PCNX4: variants seen among roughly 807,000 people sequenced by gnomAD.
PCNX4 encodes pecanex-like protein 4.
A neutral mutation model predicts 107.2 loss-of-function variants in PCNX4; 103 were observed. The ratio of observed to expected loss-of-function variants is 0.96; its 90% CI spans 0.82 to 1.13. PCNX4 has a LOEUF of 1.13. PCNX4 is among the 50% of genes most tolerant of loss of function. PCNX4 has a pLI of 0.00. For missense variants in PCNX4, 1,528 were observed against 1,379.4 expected, an observed-to-expected ratio of 1.11 and a Z score of -1.71; for synonymous variants, 541 against 481.7, an observed-to-expected ratio of 1.12 and a Z score of -1.61.
chr14:60,118,621 C>T lies in PCNX4; in HGVS notation c.1871C>T (p.Thr624Ile), dbSNP rs577997062. ...AGTTACVCAD[T>I]VYYYQMVPRL... ...ACCACAGCCTGTGTGTGTGCAGATA[C>T]AGTGTACTACTACCAAATGGTGCCC... Residue 624 changes from threonine (T) to isoleucine (I), a missense_variant, in exon 7 of 11, where the codon ACA becomes ATA. Coordinates refer to ENST00000406854, the MANE Select transcript of PCNX4 (RefSeq NM_001330177.2). 26 of 1,613,744 alleles carry T rather than the reference C, an allele frequency of 1.6e-5. No individual in the cohort carries two copies. The Middle Eastern group carries it at 5.0e-4, about 31-fold the overall frequency.
In PCNX4 at chr14:60,135,468, A is replaced by G. The variant is rs1473950292; in HGVS notation, c.*1247A>G. ...ATCTCAGACTTATGATTTAATTTAC[A>G]TGATTGAGATTTGCTAGCTGTACAC... On this transcript the variant is annotated 3_prime_UTR_variant, in exon 11 of 11. Transcript: ENST00000406854. 1.3e-5 allele frequency: 2 copies of G among 152,134 alleles called. No homozygotes were observed. The highest frequency in any genetic ancestry group is 2.9e-5 in the Non-Finnish European group (2 of 68,040). The allele number at this position is 152,134 out of a possible 1,614,324, so 9.4% of individuals were successfully genotyped here.
Position 60,124,448 on chromosome 14 carries a change from C to G in PCNX4, c.2277C>G (p.Asp759Glu). 6.2e-7 allele frequency: 1 copy of G among 1,613,592 alleles called. No individual in the cohort carries two copies. Among genetic ancestry groups the G allele is most frequent in the Non-Finnish European group, 8.5e-7 (1 of 1,179,690 alleles). ...SHENLKEFKGDLIKVLVWILV... is the reference protein window; with the variant it reads ...SHENLKEFKGELIKVLVWILV... Reference sequence around the variant, plus strand: ...AAAACTTAAAAGAATTTAAAGGTGACCTCATTAAAGTACTTGTGTGGATAC... The same window carrying G: ...AAAACTTAAAAGAATTTAAAGGTGAGCTCATTAAAGTACTTGTGTGGATAC... The change falls in exon 9 of 11, where the codon GAC becomes GAG. Residue 759 changes from aspartate (D) to glutamate (E), a missense_variant. Coordinates refer to ENST00000406854, the MANE Select transcript of PCNX4 (RefSeq NM_001330177.2).
In PCNX4 at chr14:60,121,184, A is replaced by ATTT; in HGVS notation, c.1943-12_1943-11insTTT. 1.8e-6 allele frequency: 2 copies of ATTT among 1,142,322 alleles called. No individual in the cohort carries two copies. Among genetic ancestry groups the ATTT allele is most frequent in the East Asian group, 3.3e-5 (1 of 30,338 alleles). The allele number at this position is 1,142,322 out of a possible 1,614,324, so 70.8% of individuals were successfully genotyped here. ...TTCTTTTTTTTTTTTTTTTTTTTCT[A>ATTT]ATTTGTTGTAGGTCTCCTCCTACCT... On this transcript the variant is annotated splice_polypyrimidine_tract_variant and intron_variant, in intron 7 of 10. Coordinates refer to ENST00000406854, the MANE Select transcript of PCNX4 (RefSeq NM_001330177.2).
intron 1 of PCNX4, among the ~76,000 whole-genome samples, chr14:60,107,294 T>TC (rs1180186783): frequency 6.6e-6 from 1 of 152,108 alleles, no homozygotes; most frequent in Admixed American, 6.6e-5. Context: ...GGTGGGAGGA[T>TC]CACTTTGAGC....
At chr14:60,106,299 G>A (rs1482634496) in intron 1 of PCNX4, among the ~76,000 whole-genome samples, 1 of 151,960 alleles carries the variant, frequency 6.6e-6, no homozygotes, top group Non-Finnish European at 1.5e-5. Context: ...CTTCCTCCCT[G>A]TACTTTAAAT....
Position 60,116,049 on chromosome 14 carries a change from A to G in PCNX4, c.1567A>G (p.Arg523Gly), listed in dbSNP as rs559685831. ...GAACAGAAGCCTGGATACAGGACTC[A>G]GACTCTTACTGGTAAGTGTGTCTTT... ...WWNRSLDTGL[R>G]LLLVGIIRDR... is the part of the protein sequence containing the mutation. Residue 523 changes from arginine (R) to glycine (G), a missense_variant, in exon 6 of 11, where the codon AGA (arginine) becomes GGA (glycine). Coordinates refer to ENST00000406854, the MANE Select transcript of PCNX4 (RefSeq NM_001330177.2). The G allele has an allele frequency of 1.4e-4, 220 of 1,606,906 alleles. No homozygotes were observed. Among genetic ancestry groups the G allele is most frequent in the Non-Finnish European group, 1.7e-4 (203 of 1,177,176 alleles).
At chr14:60,098,074 A>G (rs11158275) in intron 1 of PCNX4, among the ~76,000 whole-genome samples, 4,698 of 152,298 alleles carry the variant, frequency 0.031, 232 homozygotes, top group South Asian at 0.24. Flanking sequence ...CATCAGCCTT[A>G]TGGTTAAGGT....
chr14:60,118,279 C>G, intron 6 of PCNX4, 50 bp from the exon 7 acceptor site: 1 of 1,477,508 alleles, frequency 6.8e-7, no homozygotes, highest in Non-Finnish European at 9.0e-7. Context: ...CTTGAAAATT[C>G]ATGAAAAATC....
rs760973243 is a variant in PCNX4, at chr14:60,115,686, T to C, written c.1358-33T>C. ...TATGGTAGAAGGAGCTATTTTGCCT[T>C]AATTAAATTTCTCTCTTTTTGTTTT... On this transcript the variant is annotated intron_variant, in intron 4 of 10. Coordinates refer to ENST00000406854, the MANE Select transcript of PCNX4 (RefSeq NM_001330177.2). 4 of 1,566,366 alleles carry C rather than the reference T, an allele frequency of 2.6e-6. No individual in the cohort carries two copies. In the East Asian group the frequency reaches 6.7e-5, roughly 26 times the overall value.
Position 60,147,326 on chromosome 14 carries a change from G to C in PCNX4, c.*13105G>C, listed in dbSNP as rs1375245891. ...TTCTAAGGATCTAATATACCGCATGGTGACTACAGTTAATAATACTGTATA... is the reference window on the plus strand; with the variant it reads ...TTCTAAGGATCTAATATACCGCATGCTGACTACAGTTAATAATACTGTATA... On this transcript the variant is annotated 3_prime_UTR_variant, in exon 11 of 11. Coordinates refer to ENST00000406854, the MANE Select transcript of PCNX4 (RefSeq NM_001330177.2). The C allele has an allele frequency of 6.6e-6, 1 of 152,116 alleles. No homozygotes were observed. The highest frequency in any genetic ancestry group is 6.5e-5 in the Admixed American group (1 of 15,282). 9.4% of individuals were successfully genotyped at this position (152,116 alleles called of 1,614,324 possible). A position where few individuals can be genotyped will look rare whatever the true frequency, so the allele number is the denominator to read the frequency against.
rs1406785921 is a variant in PCNX4, at chr14:60,124,777, C to T, written c.2606C>T (p.Thr869Ile). 1 of 1,613,340 alleles carries T rather than the reference C, an allele frequency of 6.2e-7. No homozygotes were observed. Among genetic ancestry groups the T allele is most frequent in the Admixed American group, 1.7e-5 (1 of 60,006 alleles). ...AGGGTTGGTGATCATTCTACAGGCA[C>T]TGTTCCTGAAAACGATCTTTACAAA... is the stretch of plus-strand genomic sequence containing the variant. The part of the protein sequence containing the change: ...SQRVGDHSTG[T>I]VPENDLYKAV... Residue 869 changes from threonine (T) to isoleucine (I), a missense_variant, in exon 9 of 11, where the codon ACT (threonine) becomes ATT (isoleucine). By Grantham distance (89) the Thr-to-Ile change is moderately conservative. Coordinates refer to ENST00000406854, the MANE Select transcript of PCNX4 (RefSeq NM_001330177.2).
chr14:60,124,071 G>A, intron 8 of PCNX4, 147 bp from the exon 9 acceptor site: 1 of 583,766 alleles, frequency 1.7e-6, no homozygotes, highest in Non-Finnish European at 2.8e-6. Flanking sequence ...TTAACTTTAA[G>A]TCAGGATGTT....
rs915900899 is a variant in PCNX4, at chr14:60,137,580, C to T, written c.*3359C>T. 6.6e-6 allele frequency: 1 copy of T among 152,148 alleles called. No homozygotes were observed. The highest frequency in any genetic ancestry group is 2.4e-5 in the African/African-American group (1 of 41,412). 9.4% of individuals were successfully genotyped at this position (152,148 alleles called of 1,614,324 possible). Reference sequence around the variant, plus strand: ...ATTTAAGGTATCTGAGGAAACAAGACAACATGATGAAAATCCGAAAGAAGC... The same window carrying T: ...ATTTAAGGTATCTGAGGAAACAAGATAACATGATGAAAATCCGAAAGAAGC... On this transcript the variant is annotated 3_prime_UTR_variant, in exon 11 of 11. Transcript: ENST00000406854.
In PCNX4 at chr14:60,114,858, C is replaced by T. The variant is rs558754013; in HGVS notation, c.848C>T (p.Ser283Leu). The T allele has an allele frequency of 1.2e-6, 2 of 1,612,132 alleles. No homozygotes were observed. Among genetic ancestry groups the T allele is most frequent in the South Asian group, 1.1e-5 (1 of 90,596 alleles). The change falls in exon 3 of 11, where the codon TCA becomes TTA. Residue 283 changes from serine to leucine, a missense_variant. By Grantham distance (145) the Ser-to-Leu change is moderately radical (BLOSUM62 -2). Coordinates refer to ENST00000406854, the MANE Select transcript of PCNX4 (RefSeq NM_001330177.2). ...EQVLEFGLGGSSMSTHLRLLV... is the reference protein window; with the variant it reads ...EQVLEFGLGGLSMSTHLRLLV... ...GTTTTAGAGTTCGGCCTTGGAGGCT[C>T]ATCTATGTCAACCCACTTACGGTAT...
intron 2 of PCNX4, chr14:60,110,495 T>G (rs1435538797): frequency 1.2e-5 from 2 of 167,156 alleles, no homozygotes; most frequent in Non-Finnish European, 2.9e-5. Context: ...TCTCAAGCTC[T>G]AAGATCTAAT....
chr14:60,108,282 G>A lies in PCNX4; in HGVS notation c.644G>A (p.Arg215Lys). ...QDTYEIIPLM[R>K]PLYIFFFVSV... ...ACTTATGAAATTATTCCTCTTATGAGACCTCTTTATATTTTTTTCTTTGTT... is the reference window on the plus strand; with the variant it reads ...ACTTATGAAATTATTCCTCTTATGAAACCTCTTTATATTTTTTTCTTTGTT... Residue 215 changes from arginine (R) to lysine (K), a missense_variant, in exon 2 of 11, where the codon AGA (arginine) becomes AAA (lysine). Physicochemically the swap from Arg to Lys is conservative, Grantham distance 26. Coordinates refer to ENST00000406854, the MANE Select transcript of PCNX4 (RefSeq NM_001330177.2). The A allele has an allele frequency of 6.2e-7, 1 of 1,610,966 alleles. No individual in the cohort carries two copies.
At position 60,115,935 on chromosome 14, in the gene PCNX4, C is replaced by T; in HGVS notation, c.1459-6C>T. The stretch of plus-strand genomic sequence containing the variant: ...CTGATAAAAATGGATAATTTGTATA[C>T]TGCAGGTATGGCAGAATACAGAAAA... On this transcript the variant is annotated splice_polypyrimidine_tract_variant and splice_region_variant and intron_variant, in intron 5 of 10. Coordinates refer to ENST00000406854, the MANE Select transcript of PCNX4 (RefSeq NM_001330177.2). 6.2e-7 allele frequency: 1 copy of T among 1,606,724 alleles called. No homozygotes were observed.
rs755470305 is a variant in PCNX4 at position 60,121,197 on chromosome 14, TCTC to T, written c.1950_1952del (p.Leu651del). The T allele has an allele frequency of 8.5e-6, 13 of 1,531,202 alleles. No homozygotes were observed. Among genetic ancestry groups the T allele is most frequent in the Admixed American group, 1.9e-5 (1 of 52,240 alleles). 94.9% of individuals were successfully genotyped at this position (1,531,202 alleles called of 1,614,324 possible). A position where few individuals can be genotyped will look rare whatever the true frequency, so the allele number is the denominator to read the frequency against. ...TTTTTTTTTTCTAATTTGTTGTAGG[TCTC>T]CTCCTACCTGGATCTCATTACTTGG... On this transcript the variant is annotated inframe_deletion and splice_region_variant, in exon 8 of 11. Transcript: ENST00000406854.
chr14:60,134,371 C>T lies in PCNX4; in HGVS notation c.*150C>T. The T allele has an allele frequency of 3.1e-6, 3 of 958,698 alleles. No individual in the cohort carries two copies. The highest frequency in any genetic ancestry group is 4.6e-6 in the Non-Finnish European group (3 of 647,520). The allele number at this position is 958,698 out of a possible 1,614,324, so 59.4% of individuals were successfully genotyped here. ...AGCTCCGTAAAGTTGGTTCTCTTAG[C>T]CATCTTAATGGTTCTAAAAAACAGC... On this transcript the variant is annotated 3_prime_UTR_variant, in exon 11 of 11. Coordinates refer to ENST00000406854, the MANE Select transcript of PCNX4 (RefSeq NM_001330177.2).
Sources: allele counts gnomAD v4.1 joint callset (sites outside exome capture counted in the v4.1 genomes callset), GRCh38; gene constraint gnomAD v4.1.1; transcripts MANE v1.5; gene names NCBI Gene and HGNC (gene_info 2026-07-23, HGNC 2026-07-21).